Variants in CCDC141 observed in about 807,000 individuals in gnomAD.
CCDC141 encodes coiled-coil domain-containing protein 141.
In CCDC141, 168 loss-of-function variants were observed where a neutral mutation model predicts 181.0. The ratio of observed to expected loss-of-function variants is 0.93; its 90% CI spans 0.82 to 1.05. The LOEUF (loss-of-function observed/expected upper bound fraction) is 1.05, where lower values mean the gene tolerates loss of function less well. Among genes scored for constraint, CCDC141 ranks in the 50% least tolerant of loss-of-function variants. The pLI is 0.00. For missense variants in CCDC141, 1,902 were observed against 1,788.5 expected, an observed-to-expected ratio of 1.06 and a Z score of -1.14; for synonymous variants, 666 against 642.3, an observed-to-expected ratio of 1.04 and a Z score of -0.56.
intron 10 of CCDC141, among the ~76,000 whole-genome samples, chr2:178,885,964 C>T (rs1003700945): frequency 3.9e-5 from 6 of 152,050 alleles, no homozygotes; most frequent in African/African-American, 1.4e-4. Flanking sequence ...AATCTCCTCC[C>T]CAGTTCTAAA....
At chr2:178,885,524 A>C (rs932828539) in intron 10 of CCDC141, among the ~76,000 whole-genome samples, 3 of 152,242 alleles carry the variant, frequency 2.0e-5, no homozygotes, top group African/African-American at 7.2e-5. Context: ...ATTTACAAAA[A>C]GATGACCTAT....
chr2:178,901,559 C>T (rs945587066), intron 8 of CCDC141, among the ~76,000 whole-genome samples: 6 of 152,116 alleles, frequency 3.9e-5, no homozygotes, highest in Non-Finnish European at 7.3e-5. Flanking sequence ...TTCAACAAAC[C>T]TTCATGCTAA....
chr2:178,962,413 T>C (rs922845800), intron 4 of CCDC141, among the ~76,000 whole-genome samples: 2 of 152,164 alleles, frequency 1.3e-5, no homozygotes, highest in African/African-American at 4.8e-5. Flanking sequence ...GACCTGTTGA[T>C]TTTACATGCT....
intron 2 of CCDC141, among the ~76,000 whole-genome samples, chr2:179,036,318 G>T (rs2655158): frequency 0.84 from 127,738 of 152,172 alleles, 53,972 homozygotes; most frequent in East Asian, 0.94. Flanking sequence ...AACAAATTAT[G>T]TGTGATATCC....
At chr2:178,913,294 A>C (rs1431295599) in intron 7 of CCDC141, among the ~76,000 whole-genome samples, 1 of 152,220 alleles carries the variant, frequency 6.6e-6, no homozygotes, top group Non-Finnish European at 1.5e-5. Flanking sequence ...TGAAACTGAA[A>C]GTAATTATAT....
intron 2 of CCDC141, among the ~76,000 whole-genome samples, chr2:178,988,416 G>A (rs999925123): frequency 4.4e-4 from 67 of 151,230 alleles, no homozygotes; most frequent in East Asian, 1.8e-3. Flanking sequence ...ACATGTATAC[G>A]TATGTAACTA....
intron 8 of CCDC141, 28 bp downstream of exon 8, chr2:178,905,301 C>T: frequency 6.6e-7 from 1 of 1,523,176 alleles, no homozygotes; most frequent in African/African-American, 1.4e-5. Flanking sequence ...AAGCTTGTTA[C>T]ACTGAGAAAG....
At chr2:179,041,550 T>C (rs62175994) in intron 2 of CCDC141, among the ~76,000 whole-genome samples, 11 of 132,588 alleles carry the variant, frequency 8.3e-5, no homozygotes, top group South Asian at 7.6e-4. Flanking sequence ...GATGACAAGA[T>C]GAAATCCACA....
chr2:178,834,575 A>G, intron 23 of CCDC141, 135 bp from the exon 24 acceptor site: 1 of 979,090 alleles, frequency 1.0e-6, no homozygotes, highest in South Asian at 1.8e-5. Flanking sequence ...TGTAGCCACA[A>G]CAAATTCCAG....
chr2:178,958,850 G>A (rs571811122), intron 5 of CCDC141, among the ~76,000 whole-genome samples: 2 of 148,016 alleles, frequency 1.4e-5, no homozygotes, highest in Non-Finnish European at 3.0e-5. Flanking sequence ...TGGGAAAACT[G>A]TTCTGTTTGG....
intron 8 of CCDC141, among the ~76,000 whole-genome samples, chr2:178,899,809 C>T (rs1340338829): frequency 1.3e-5 from 2 of 152,142 alleles, no homozygotes; most frequent in African/African-American, 4.8e-5. Flanking sequence ...GCAGTGGCTG[C>T]ACTTGAAATA....
chr2:178,956,759 G>A (rs1243355943), intron 5 of CCDC141, among the ~76,000 whole-genome samples: 1 of 152,168 alleles, frequency 6.6e-6, no homozygotes, highest in Non-Finnish European at 1.5e-5. Flanking sequence ...CCATGAATGT[G>A]CATTCTTAAA....
intron 21 of CCDC141, among the ~76,000 whole-genome samples, chr2:178,846,616 G>T (rs1321475576): frequency 6.6e-6 from 1 of 152,156 alleles, no homozygotes; most frequent in Non-Finnish European, 1.5e-5. Flanking sequence ...GAGTCACTCT[G>T]CTTTGGTATG....
At chr2:178,984,383 G>T (rs1196862415) in intron 2 of CCDC141, among the ~76,000 whole-genome samples, 2 of 151,424 alleles carry the variant, frequency 1.3e-5, no homozygotes, top group Non-Finnish European at 2.9e-5. Flanking sequence ...AACGACCATC[G>T]AGACTAGGAA....
rs17453403 is a variant in CCDC141 at position 178,845,823 on chromosome 2, C to T, written c.3358-81G>A. ...CATACACTAACTACTTGGAAGAAAA[C>T]ATAGACCACTTGCAACCTTTCAGCA... On this transcript the variant is annotated intron_variant, in intron 21 of 23. Transcript: ENST00000443758. 5.7e-5 allele frequency: 46 copies of T among 813,952 alleles called. 1 individual carries two copies. In the Admixed American group the frequency reaches 8.0e-4, roughly 14 times the overall value. 50.4% of individuals were successfully genotyped at this position (813,952 alleles called of 1,614,324 possible).
intron 2 of CCDC141, among the ~76,000 whole-genome samples, chr2:179,023,997 C>T (rs530228807): frequency 6.6e-6 from 1 of 152,238 alleles, no homozygotes; most frequent in African/African-American, 2.4e-5. Context: ...TTGAGAAACT[C>T]GGAGGAAACA....
At chr2:178,998,395 TTAAGTA>T (rs1472599713) in intron 2 of CCDC141, among the ~76,000 whole-genome samples, 2 of 152,206 alleles carry the variant, frequency 1.3e-5, no homozygotes, top group Non-Finnish European at 2.9e-5. Flanking sequence ...CAAATATCTC[TTAAGTA>T]TAATAGTACA....
intron 2 of CCDC141, among the ~76,000 whole-genome samples, chr2:179,011,613 G>A (rs1219657988): frequency 6.6e-6 from 1 of 152,004 alleles, no homozygotes; most frequent in Non-Finnish European, 1.5e-5. Context: ...CCATACCTTG[G>A]AACAAATGGA....
chr2:179,006,955 T>C (rs1172857298), intron 2 of CCDC141, among the ~76,000 whole-genome samples: 1 of 152,168 alleles, frequency 6.6e-6, no homozygotes, highest in African/African-American at 2.4e-5. Flanking sequence ...CACAGGATTT[T>C]GGGAAGGATC....
Sources: allele counts gnomAD v4.1 joint callset (sites outside exome capture counted in the v4.1 genomes callset), GRCh38; gene constraint gnomAD v4.1.1; transcripts MANE v1.5; gene names NCBI Gene and HGNC (gene_info 2026-07-23, HGNC 2026-07-21).